The following ATF6B variants were observed in gnomAD, a reference collection of about 807,000 sequenced individuals.
ATF6B encodes the protein cyclic AMP-dependent transcription factor ATF-6 beta.
ATF6B carries 50 observed loss-of-function variants against 83.5 expected under a neutral mutation model. The ratio of observed to expected loss-of-function variants is 0.60; its 90% CI spans 0.48 to 0.76. The LOEUF is 0.76. Ranked by LOEUF, ATF6B falls within the 30% of genes least tolerant of loss-of-function variation. The pLI, the probability that ATF6B is intolerant of heterozygous loss-of-function variation, is 0.00. For missense variants in ATF6B, 790 were observed against 893.8 expected (o/e 0.88, Z 1.48); for synonymous variants, 344 against 362.8 (o/e 0.95, Z 0.59).
In ATF6B at chr6:32,115,571, G is replaced by A; in HGVS notation, c.*168C>T. On this transcript the variant is annotated 3_prime_UTR_variant, in exon 18 of 18. Transcript: ENST00000375203. The stretch of plus-strand genomic sequence containing the variant: ...AGAGGAGCCCTATATTCTGAAAAGG[G>A]ATGAGAAGAGAGGTGAACACCCCCA... The A allele has an allele frequency of 1.8e-6, 1 of 568,466 alleles. No homozygotes were observed. Among genetic ancestry groups the A allele is most frequent in the Non-Finnish European group, 3.1e-6 (1 of 326,930 alleles). The allele number at this position is 568,466 out of a possible 1,614,324, so 35.2% of individuals were successfully genotyped here.
chr6:32,116,053 AG>A lies in ATF6B; in HGVS notation c.1883-86del. 9.9e-7 allele frequency: 1 copy of A among 1,006,046 alleles called. No homozygotes were observed. Among genetic ancestry groups the A allele is most frequent in the South Asian group, 1.5e-5 (1 of 64,730 alleles). 62.3% of individuals were successfully genotyped at this position (1,006,046 alleles called of 1,614,324 possible). On this transcript the variant is annotated intron_variant, in intron 17 of 17. Coordinates refer to ENST00000375203, the MANE Select transcript of ATF6B (RefSeq NM_004381.5). This position sits in a 1 kb window ranked among gnomAD's most constrained non-coding sequence, Gnocchi z 5.1. ...GGAGGGGAGGAGGTCAGAAAAGTAGAGGTGAGCAGAGAGAAAAAGAAAGGGC... is the reference window on the plus strand; with the variant it reads ...GGAGGGGAGGAGGTCAGAAAAGTAGAGTGAGCAGAGAGAAAAAGAAAGGGC...
intron 3 of ATF6B, 23 bp downstream of exon 3, chr6:32,127,419 G>A (rs1561771733): frequency 6.3e-7 from 1 of 1,596,176 alleles, no homozygotes; most frequent in Non-Finnish European, 8.6e-7. Context: ...GGAAATCTGA[G>A]GGAACGACAA....
Position 32,128,224 on chromosome 6 carries a change from C to CCCCCCCCCA in ATF6B, c.-18_-17insTGGGGGGGG. The CCCCCCCCCA allele has an allele frequency of 3.1e-6, 5 of 1,604,544 alleles. No homozygotes were observed. Among genetic ancestry groups the CCCCCCCCCA allele is most frequent in the African/African-American group, 1.4e-5 (1 of 73,926 alleles). ...CTCCGCCATCTTTCCCCCCCACCCCCCAACCAGGAGACGGTTCCCAAGGCC... is the reference window on the plus strand; with the variant it reads ...CTCCGCCATCTTTCCCCCCCACCCCCCCCCCCCCACAACCAGGAGACGGTTCCCAAGGCC... On this transcript the variant is annotated 5_prime_UTR_variant, in exon 1 of 18. Coordinates refer to ENST00000375203, the MANE Select transcript of ATF6B (RefSeq NM_004381.5).
At chr6:32,127,544 G>A (rs778726274) in intron 2 of ATF6B, 24 bp from the exon 3 acceptor site, 49 of 1,611,248 alleles carry the variant, frequency 3.0e-5, no homozygotes, top group African/African-American at 4.0e-5. Flanking sequence ...GATACAAGAG[G>A]GCAGGAGTGT....
Position 32,119,256 on chromosome 6 carries a change from C to A in ATF6B, c.967-115G>T, listed in dbSNP as rs1330668421. 6 of 1,262,802 alleles carry A rather than the reference C, an allele frequency of 4.8e-6. No homozygotes were observed. The allele number at this position is 1,262,802 out of a possible 1,614,324, so 78.2% of individuals were successfully genotyped here. A position where few individuals can be genotyped will look rare whatever the true frequency, so the allele number is the denominator to read the frequency against. ...CTCACATGGCCATTCCCCTGCCTTC[C>A]TGACCCACCTACATAGCCAGAGAGG... On this transcript the variant is annotated intron_variant, in intron 9 of 17. Transcript: ENST00000375203. This position sits in a 1 kb window ranked among gnomAD's most constrained non-coding sequence, Gnocchi z 4.9.
chr6:32,117,701 T>C lies in ATF6B; in HGVS notation c.1425-7A>G, dbSNP rs1426831750. The stretch of plus-strand genomic sequence containing the variant: ...AGGGAAGGCTGTCAGGTTGCTGGAG[T>C]GAAGCAGGAAGGAGACAACACTTGG... On this transcript the variant is annotated splice_polypyrimidine_tract_variant and splice_region_variant and intron_variant, in intron 12 of 17. Transcript: ENST00000375203. The surrounding 1 kb of genome is among the most constrained non-coding windows in gnomAD (Gnocchi z 5.0). 6.2e-7 allele frequency: 1 copy of C among 1,613,034 alleles called. No homozygotes were observed. The highest frequency in any genetic ancestry group is 1.3e-5 in the African/African-American group (1 of 74,894).
At position 32,116,319 on chromosome 6, in the gene ATF6B, G is replaced by A. The variant is rs1412453099; in HGVS notation, c.1882+161C>T. Among the ~76,000 whole-genome samples, 2 of 152,124 alleles carry A rather than the reference G, an allele frequency of 1.3e-5. No individual in the cohort carries two copies. The highest frequency in any genetic ancestry group is 2.9e-5 in the Non-Finnish European group (2 of 68,034). ...ACCCTCACCCTTGTCTCCCTCCCAA[G>A]TCTCCTGCATGGTGCTCTTCCCTCC... On this transcript the variant is annotated intron_variant, in intron 17 of 17. Coordinates refer to ENST00000375203, the MANE Select transcript of ATF6B (RefSeq NM_004381.5). The surrounding 1 kb of genome is among the most constrained non-coding windows in gnomAD (Gnocchi z 5.1).
At chr6:32,127,265 T>C in intron 3 of ATF6B, 71 bp from the exon 4 acceptor site, 1 of 1,450,456 alleles carries the variant, frequency 6.9e-7, no homozygotes, top group South Asian at 1.3e-5. Context: ...CCCAAGGACA[T>C]GTCGGTGGGG....
rs1446629175 is a variant in ATF6B, at chr6:32,126,243, C to T, written c.352G>A (p.Val118Ile). The T allele has an allele frequency of 1.2e-6, 2 of 1,613,906 alleles. No individual in the cohort carries two copies. Among genetic ancestry groups the T allele is most frequent in the Non-Finnish European group, 1.7e-6 (2 of 1,179,954 alleles). The change falls in exon 5 of 18, where the codon GTA (valine) becomes ATA (isoleucine). Residue 118 changes from valine to isoleucine, a missense_variant. Physicochemically the swap from Val to Ile is conservative, Grantham distance 29 (BLOSUM62 3). Around this residue, in one of 3 missense-constraint regions of ATF6B, gnomAD observed 253 missense variants for 243.1 expected, o/e 1.04. Coordinates refer to ENST00000375203, the MANE Select transcript of ATF6B (RefSeq NM_004381.5). ...STEPSSEALG[V>I]GEVLHVKTES... The stretch of plus-strand genomic sequence containing the variant: ...GTCTTCACATGGAGCACCTCCCCTA[C>T]CCCAAGAGCCTGGGTGAGAGTTGGT...
At chr6:32,127,044 G>A (rs1346905610) in intron 4 of ATF6B, 59 bp downstream of exon 4, 3 of 1,380,960 alleles carry the variant, frequency 2.2e-6, no homozygotes, top group African/African-American at 1.4e-5. Flanking sequence ...TCACCCACGG[G>A]TGAAGGGAAT....
At chr6:32,120,026 G>A in intron 8 of ATF6B, 69 bp from the exon 9 acceptor site, 3 of 1,535,750 alleles carry the variant, frequency 2.0e-6, no homozygotes, top group Non-Finnish European at 2.6e-6. Flanking sequence ...ACCCACACAA[G>A]AGCACCCAAG....
rs768405340 is a variant in ATF6B at position 32,116,660 on chromosome 6, TG to T, written c.1797+43del. On this transcript the variant is annotated intron_variant, in intron 16 of 17. Coordinates refer to ENST00000375203, the MANE Select transcript of ATF6B (RefSeq NM_004381.5). The surrounding 1 kb of genome is among the most constrained non-coding windows in gnomAD (Gnocchi z 5.1). ...CATCCCCCCACTGAAGACAGACTGC[TG>T]GGAACCTGGGGTGACAGAGATGGAA... The T allele has an allele frequency of 1.9e-6, 3 of 1,608,456 alleles. No individual in the cohort carries two copies. Among genetic ancestry groups the T allele is most frequent in the Non-Finnish European group, 2.6e-6 (3 of 1,175,102 alleles).
Position 32,116,168 on chromosome 6 carries a change from A to T in ATF6B, c.1883-200T>A, listed in dbSNP as rs887013756. 6.6e-6 allele frequency among the ~76,000 whole-genome samples: 1 copy of T among 152,172 alleles called. No individual in the cohort carries two copies. Among genetic ancestry groups the T allele is most frequent in the Non-Finnish European group, 1.5e-5 (1 of 68,032 alleles). ...GGGGCAAGGAGAGGGTAGGAAAAGA[A>T]AAGGGCATTGAGTGTGGGGTCACAC... On this transcript the variant is annotated intron_variant, in intron 17 of 17. Coordinates refer to ENST00000375203, the MANE Select transcript of ATF6B (RefSeq NM_004381.5). This position sits in a 1 kb window ranked among gnomAD's most constrained non-coding sequence, Gnocchi z 5.1.
Position 32,119,894 on chromosome 6 carries a change from A to C in ATF6B, c.896T>G (p.Leu299Arg), listed in dbSNP as rs1321648839. Residue 299 changes from leucine (L) to arginine (R), a missense_variant, in exon 9 of 18, where the codon CTA becomes CGA. Around this residue, in one of 3 missense-constraint regions of ATF6B, gnomAD observed 530 missense variants for 632.6 expected, o/e 0.84. Coordinates refer to ENST00000375203, the MANE Select transcript of ATF6B (RefSeq NM_004381.5). This position sits in a 1 kb window ranked among gnomAD's most constrained non-coding sequence, Gnocchi z 4.9. Reference protein sequence around the residue: ...RVQPEGPAPSLPRPERKSIVP... With the variant: ...RVQPEGPAPSRPRPERKSIVP... ...GATGCTCTTCCTCTCAGGCCGTGGT[A>C]GAGAGGGAGCCGGCCCTTCAGGCTG... The C allele has an allele frequency of 2.5e-6, 4 of 1,614,088 alleles. No individual in the cohort carries two copies. Among genetic ancestry groups the C allele is most frequent in the Non-Finnish European group, 3.4e-6 (4 of 1,180,012 alleles).
At chr6:32,126,331 C>T (rs758624170) in intron 4 of ATF6B, 79 bp from the exon 5 acceptor site, 1 of 1,527,978 alleles carries the variant, frequency 6.5e-7, no homozygotes, top group Non-Finnish European at 8.8e-7. Context: ...AGAGCGAGAA[C>T]AAAAGCTTTA....
In ATF6B at chr6:32,116,350, C is replaced by CT; in HGVS notation, c.1882+129dup. On this transcript the variant is annotated intron_variant, in intron 17 of 17. Coordinates refer to ENST00000375203, the MANE Select transcript of ATF6B (RefSeq NM_004381.5). The surrounding 1 kb of genome is among the most constrained non-coding windows in gnomAD (Gnocchi z 5.1). ...TGCATGGTGCTCTTCCCTCCACCTA[C>CT]TTCCTGCTGCTTCTCACCTGTGGGT... The CT allele has an allele frequency of 1.2e-6, 1 of 858,822 alleles. No homozygotes were observed. The highest frequency in any genetic ancestry group is 1.8e-5 in the South Asian group (1 of 56,640). The allele number at this position is 858,822 out of a possible 1,614,324, so 53.2% of individuals were successfully genotyped here. A position where few individuals can be genotyped will look rare whatever the true frequency, so the allele number is the denominator to read the frequency against.
intron 5 of ATF6B, 102 bp downstream of exon 5, chr6:32,126,015 T>C: frequency 6.6e-7 from 1 of 1,512,060 alleles, no homozygotes; most frequent in Non-Finnish European, 9.0e-7. Flanking sequence ...TTTCTCCCTG[T>C]CCTGCTGCCT....
rs749474639 is a variant in ATF6B at position 32,127,707 on chromosome 6, C to T, written c.135G>A (p.Gln45=). 1 of 1,614,196 alleles carries T rather than the reference C, an allele frequency of 6.2e-7. No homozygotes were observed. Among genetic ancestry groups the T allele is most frequent in the South Asian group, 1.1e-5 (1 of 91,086 alleles). ...YSGLDEVAEE[Q]TQLFRCPEQD... ...GCTCCGGGCAACGGAAGAGCTGCGT[C>T]TGCTCCTCGGCCACTTCATCTAGGC... The change falls in exon 2 of 18, where the codon CAG becomes CAA. Residue 45 remains glutamine (Q), a synonymous_variant. Coordinates refer to ENST00000375203, the MANE Select transcript of ATF6B (RefSeq NM_004381.5).
At position 32,119,086 on chromosome 6, in the gene ATF6B, T is replaced by C. The variant is rs1412685342; in HGVS notation, c.1022A>G (p.Gln341Arg). Residue 341 changes from glutamine (Q) to arginine (R), a missense_variant, in exon 10 of 18, where the codon CAG becomes CGG. By Grantham distance (43) the Gln-to-Arg change is conservative. This residue lies in a region of ATF6B where 530 missense variants were observed against 632.6 expected (regional missense o/e 0.84). Coordinates refer to ENST00000375203, the MANE Select transcript of ATF6B (RefSeq NM_004381.5). The surrounding 1 kb of genome is among the most constrained non-coding windows in gnomAD (Gnocchi z 4.9). Reference sequence around the variant, plus strand: ...ATACTCTTTCTTCTTTCTCCGGGACTGGCAGGCTGACTCCCGGTTCTTGAT... The same window carrying C: ...ATACTCTTTCTTCTTTCTCCGGGACCGGCAGGCTGACTCCCGGTTCTTGAT... Reference protein sequence around the residue: ...RMIKNRESACQSRRKKKEYLQ... With the variant: ...RMIKNRESACRSRRKKKEYLQ... 7 of 1,613,374 alleles carry C rather than the reference T, an allele frequency of 4.3e-6. No individual in the cohort carries two copies. Among genetic ancestry groups the C allele is most frequent in the South Asian group, 1.1e-5 (1 of 91,028 alleles).
Sources: allele counts gnomAD v4.1 joint callset (sites outside exome capture counted in the v4.1 genomes callset), GRCh38; gene constraint gnomAD v4.1.1; regional missense constraint gnomAD v4.1.1; non-coding constraint Gnocchi (gnomAD v3.1); transcripts MANE v1.5; gene names NCBI Gene and HGNC (gene_info 2026-07-23, HGNC 2026-07-21).